The following DNMBP variants were observed in gnomAD, a reference collection of about 807,000 sequenced individuals.
DNMBP encodes dynamin-binding protein.
Under a neutral mutation model 150.0 loss-of-function variants are expected in DNMBP, and 87 were observed. The observed-to-expected ratio is 0.58, with a 90% CI of 0.49 to 0.69. The LOEUF is 0.69. Among genes scored for constraint, DNMBP ranks in the 30% least tolerant of loss-of-function variants. The pLI is 0.00. For synonymous variants in DNMBP, 711 were observed against 750.4 expected (o/e 0.95, Z 0.86); for missense variants, 1,774 against 1,949.0 (o/e 0.91, Z 1.69).
chr10:99,932,335 A>C (rs79730939), intron 4 of DNMBP, among the ~76,000 whole-genome samples: 1 of 152,306 alleles, frequency 6.6e-6, no homozygotes, highest in South Asian at 2.1e-4. Flanking sequence ...GTTGGCCACA[A>C]TGACTCCTCG....
At chr10:99,989,679 C>T (rs2040865922) in intron 1 of DNMBP, among the ~76,000 whole-genome samples, 1 of 152,086 alleles carries the variant, frequency 6.6e-6, no homozygotes, top group Non-Finnish European at 1.5e-5. Flanking sequence ...CCATCGCACT[C>T]CAGCCTGGGC....
chr10:99,969,015 G>A, intron 3 of DNMBP, 100 bp downstream of exon 3: 9 of 1,437,110 alleles, frequency 6.3e-6, no homozygotes, highest in Non-Finnish European at 7.7e-6. Context: ...ACTCTCTAGA[G>A]GTTAAGCCAC....
At chr10:99,904,681 G>C (rs2039798420) in intron 6 of DNMBP, among the ~76,000 whole-genome samples, 1 of 152,104 alleles carries the variant, frequency 6.6e-6, no homozygotes, top group African/African-American at 2.4e-5. Context: ...CAGCCTTTCA[G>C]TGTTGAGGCC....
intron 4 of DNMBP, among the ~76,000 whole-genome samples, chr10:99,920,350 C>T (rs2040009834): frequency 6.6e-6 from 1 of 152,192 alleles, no homozygotes; most frequent in Non-Finnish European, 1.5e-5. Context: ...GCTGGGACTA[C>T]AGGTGTGAGC....
At chr10:99,994,858 C>T (rs1440589702) in intron 1 of DNMBP, among the ~76,000 whole-genome samples, 1 of 152,218 alleles carries the variant, frequency 6.6e-6, no homozygotes, top group East Asian at 1.9e-4. Context: ...AAATGGCTAC[C>T]TACCAATCTT....
rs1246393296 is a variant in DNMBP at position 99,901,754 on chromosome 10, A to G, written c.2555-1688T>C. Among the ~76,000 whole-genome samples, 6 of 151,920 alleles carry G rather than the reference A, an allele frequency of 3.9e-5. No homozygotes were observed. The East Asian group carries it at 1.2e-3, about 29-fold the overall frequency. On this transcript the variant is annotated intron_variant, in intron 6 of 16. Transcript: ENST00000324109. Reference sequence around the variant, plus strand: ...TCCTTGTTCTCCTCCCTCCAATATGATACTATTTACTGCTTCCCTACAACC... The same window carrying G: ...TCCTTGTTCTCCTCCCTCCAATATGGTACTATTTACTGCTTCCCTACAACC...
At chr10:99,949,452 G>C (rs2040395691) in intron 4 of DNMBP, among the ~76,000 whole-genome samples, 1 of 152,020 alleles carries the variant, frequency 6.6e-6, no homozygotes, top group Admixed American at 6.6e-5. Flanking sequence ...GTAATGCCTG[G>C]TGCTCAAACT....
At chr10:99,981,039 T>C (rs184898089) in intron 1 of DNMBP, among the ~76,000 whole-genome samples, 3 of 152,222 alleles carry the variant, frequency 2.0e-5, no homozygotes, top group Admixed American at 6.5e-5. Flanking sequence ...AAAAGCAATG[T>C]GAATTACTTA....
intron 4 of DNMBP, among the ~76,000 whole-genome samples, chr10:99,910,801 C>T (rs1218510681): frequency 6.6e-6 from 1 of 152,188 alleles, no homozygotes; most frequent in Non-Finnish European, 1.5e-5. Flanking sequence ...AATGAAAAAG[C>T]ACAATGGATT....
At chr10:99,878,100 T>C (rs1445879635) in intron 16 of DNMBP, among the ~76,000 whole-genome samples, 18 of 152,136 alleles carry the variant, frequency 1.2e-4, no homozygotes, top group Non-Finnish European at 1.5e-5. Flanking sequence ...AAGACTCCAT[T>C]TTAAAAAAAC....
chr10:99,926,704 G>A (rs1324870627), intron 4 of DNMBP, among the ~76,000 whole-genome samples: 2 of 152,172 alleles, frequency 1.3e-5, no homozygotes, highest in Non-Finnish European at 2.9e-5. Context: ...CCACAGAGAG[G>A]AGAGCCCCAA....
chr10:99,967,797 A>G (rs2040635646), intron 3 of DNMBP, among the ~76,000 whole-genome samples: 1 of 151,952 alleles, frequency 6.6e-6, no homozygotes, highest in Non-Finnish European at 1.5e-5. Context: ...AATAAGTTCT[A>G]CTGTTTTGAT....
In DNMBP at chr10:99,930,999, G is replaced by C. The variant is rs1039569082; in HGVS notation, c.2261-21853C>G. 13 of 425,792 alleles carry C rather than the reference G, an allele frequency of 3.1e-5. 1 individual carries two copies. The highest frequency in any genetic ancestry group is 4.5e-5 in the Non-Finnish European group (11 of 244,264). The allele number at this position is 425,792 out of a possible 1,614,324, so 26.4% of individuals were successfully genotyped here. On this transcript the variant is annotated intron_variant, in intron 4 of 16. Coordinates refer to ENST00000324109, the MANE Select transcript of DNMBP (RefSeq NM_015221.4). The stretch of plus-strand genomic sequence containing the variant: ...TTCTCCAGAGGCCAGAAGATAATGA[G>C]TAACTAGTATGCATGTGATTGGAGT...
intron 4 of DNMBP, among the ~76,000 whole-genome samples, chr10:99,954,430 T>C (rs2040459105): frequency 6.6e-6 from 1 of 151,878 alleles, no homozygotes; most frequent in Non-Finnish European, 1.5e-5. Flanking sequence ...AGACAGCCTA[T>C]CTAGGGTGAT....
chr10:99,894,872 A>G lies in DNMBP; in HGVS notation c.3156+74T>C, dbSNP rs1361064208. ...CAGATTACTCAGCATTCATTAAACAATATGACTGATGAACAGGAAAGGGGA... is the reference window on the plus strand; with the variant it reads ...CAGATTACTCAGCATTCATTAAACAGTATGACTGATGAACAGGAAAGGGGA... On this transcript the variant is annotated intron_variant, in intron 11 of 16. Coordinates refer to ENST00000324109, the MANE Select transcript of DNMBP (RefSeq NM_015221.4). 6 of 1,172,426 alleles carry G rather than the reference A, an allele frequency of 5.1e-6. No individual in the cohort carries two copies. In the African/African-American group the frequency reaches 9.1e-5, roughly 18 times the overall value. 72.6% of individuals were successfully genotyped at this position (1,172,426 alleles called of 1,614,324 possible).
intron 1 of DNMBP, among the ~76,000 whole-genome samples, chr10:100,007,708 A>G (rs2041090451): frequency 6.6e-6 from 1 of 152,216 alleles, no homozygotes. Context: ...AAAGAACACA[A>G]CTAAAAGTTA....
intron 1 of DNMBP, among the ~76,000 whole-genome samples, chr10:99,998,115 T>G (rs557517022): frequency 1.0e-3 from 153 of 149,984 alleles, no homozygotes; most frequent in Non-Finnish European, 1.9e-3. Context: ...CACACCTGTA[T>G]TCCCAGCTTC....
chr10:99,991,352 C>G (rs890864097), intron 1 of DNMBP, among the ~76,000 whole-genome samples: 2 of 151,966 alleles, frequency 1.3e-5, no homozygotes, highest in African/African-American at 4.8e-5. Context: ...GCTGGGATTA[C>G]AGGCGTGAGC....
intron 1 of DNMBP, among the ~76,000 whole-genome samples, chr10:99,994,836 C>A (rs925231048): frequency 2.6e-5 from 4 of 152,164 alleles, no homozygotes; most frequent in Non-Finnish European, 5.9e-5. Context: ...GGGGCTCCTG[C>A]AATAGCTTCC....
Sources: gnomAD v4.1 joint callset for allele counts (sites outside exome capture counted in the v4.1 genomes callset) on GRCh38, gnomAD v4.1.1 for gene constraint, MANE v1.5 for transcripts, NCBI Gene and HGNC (gene_info 2026-07-23, HGNC 2026-07-21) for gene names.